The following CIMAP3 variants were observed in gnomAD, a reference collection of about 807,000 sequenced individuals.
The protein encoded by CIMAP3 is ciliary microtubule-associated protein 3.
chr1:111,329,364 G>C, the CIMAP3 span, among the ~76,000 whole-genome samples: 1 of 151,732 alleles, frequency 6.6e-6, no homozygotes, highest in African/African-American at 2.4e-5. Flanking sequence ...GGAGTTCTCT[G>C]TATTTCCTGA....
At chr1:111,346,357 T>C in the CIMAP3 span, 1 of 376,898 alleles carries the variant, frequency 2.7e-6, no homozygotes, top group Non-Finnish European at 5.0e-6. Flanking sequence ...CAACAGCGCA[T>C]TCCTCTTGGC....
At chr1:111,332,958 C>G in the CIMAP3 span, among the ~76,000 whole-genome samples, 1 of 152,188 alleles carries the variant, frequency 6.6e-6, no homozygotes, top group African/African-American at 2.4e-5. Context: ...GGAGCTGTTT[C>G]TCAAGTTCTA....
At chr1:111,339,638 C>A in the CIMAP3 span, among the ~76,000 whole-genome samples, 1 of 151,834 alleles carries the variant, frequency 6.6e-6, no homozygotes, top group Non-Finnish European at 1.5e-5. Context: ...CCTAGGAATC[C>A]ACCTTACAAG....
chr1:111,345,466 G>A, the CIMAP3 span, among the ~76,000 whole-genome samples: 1 of 152,302 alleles, frequency 6.6e-6, no homozygotes, highest in Admixed American at 6.5e-5. Flanking sequence ...TGTATGCCTG[G>A]GCAATGCAGT....
the CIMAP3 span, chr1:111,351,404 C>G: frequency 2.4e-6 from 3 of 1,265,226 alleles, no homozygotes; most frequent in Non-Finnish European, 3.3e-6. Context: ...TCTTCTTCTT[C>G]TACGTTACTG....
chr1:111,330,798 G>C, the CIMAP3 span, among the ~76,000 whole-genome samples: 1 of 152,226 alleles, frequency 6.6e-6, no homozygotes, highest in South Asian at 2.1e-4. Flanking sequence ...AAGAGATGCA[G>C]TTCAGCAATC....
the CIMAP3 span, among the ~76,000 whole-genome samples, chr1:111,338,425 G>A: frequency 6.6e-6 from 1 of 151,350 alleles, no homozygotes; most frequent in Non-Finnish European, 1.5e-5. Context: ...TTTTTGAAAG[G>A]ATCAACAAAA....
At chr1:111,329,179 T>C in the CIMAP3 span, among the ~76,000 whole-genome samples, 1 of 152,230 alleles carries the variant, frequency 6.6e-6, no homozygotes, top group Non-Finnish European at 1.5e-5. Flanking sequence ...AGGCCTCCAA[T>C]CTCTTCTGGC....
chr1:111,334,515 A>G, the CIMAP3 span, among the ~76,000 whole-genome samples: 1 of 152,228 alleles, frequency 6.6e-6, no homozygotes, highest in Non-Finnish European at 1.5e-5. Context: ...AGAAGCAGAC[A>G]GGGAACCATC....
the CIMAP3 span, chr1:111,324,734 G>A: frequency 1.0e-6 from 1 of 985,416 alleles, no homozygotes; most frequent in Non-Finnish European, 1.2e-6. Context: ...ATACATGAGA[G>A]ATCCAGGCTT....
At chr1:111,332,650 T>C in the CIMAP3 span, among the ~76,000 whole-genome samples, 1 of 152,168 alleles carries the variant, frequency 6.6e-6, no homozygotes, top group East Asian at 1.9e-4. Flanking sequence ...GGTCTGGAGG[T>C]ATGCACAGGG....
At chr1:111,325,974 C>A in the CIMAP3 span, among the ~76,000 whole-genome samples, 1 of 152,062 alleles carries the variant, frequency 6.6e-6, no homozygotes, top group Non-Finnish European at 1.5e-5. Context: ...AGACAAATTA[C>A]AAGCCATTGA....
chr1:111,346,896 C>A, the CIMAP3 span: 2 of 1,612,872 alleles, frequency 1.2e-6, no homozygotes, highest in East Asian at 4.5e-5. Flanking sequence ...TGGAGCCTCT[C>A]CTCTTTATTT....
chr1:111,326,948 T>C, the CIMAP3 span, among the ~76,000 whole-genome samples: 1 of 152,186 alleles, frequency 6.6e-6, no homozygotes, highest in African/African-American at 2.4e-5. Flanking sequence ...TTATTTGTTT[T>C]TTATTTTTGA....
chr1:111,325,228 G>A, the CIMAP3 span, among the ~76,000 whole-genome samples: 1 of 147,304 alleles, frequency 6.8e-6, no homozygotes, highest in South Asian at 2.1e-4. Flanking sequence ...CCTTGTGTTA[G>A]CTCTGAAATT....
the CIMAP3 span, among the ~76,000 whole-genome samples, chr1:111,333,269 G>A: frequency 1.5e-4 from 23 of 152,254 alleles, no homozygotes; most frequent in African/African-American, 5.1e-4. Flanking sequence ...ATCCTAGATC[G>A]GGCTCCACAC....
the CIMAP3 span, among the ~76,000 whole-genome samples, chr1:111,335,217 G>A: frequency 6.6e-6 from 1 of 151,594 alleles, no homozygotes; most frequent in Non-Finnish European, 1.5e-5. Flanking sequence ...TACAAGAGAG[G>A]AGTCAAGATG....
At chr1:111,343,477 G>C in the CIMAP3 span, among the ~76,000 whole-genome samples, 13 of 152,170 alleles carry the variant, frequency 8.5e-5, no homozygotes, top group Non-Finnish European at 1.5e-4. Context: ...GGAAACTACT[G>C]AATTCTTAAG....
At chr1:111,339,621 T>A in the CIMAP3 span, among the ~76,000 whole-genome samples, 1 of 151,628 alleles carries the variant, frequency 6.6e-6, no homozygotes, top group Non-Finnish European at 1.5e-5. Flanking sequence ...TCAAAGAGAA[T>A]AAAATACCTA....
Sources: gnomAD v4.1 joint callset for allele counts (sites outside exome capture counted in the v4.1 genomes callset) on GRCh38, gnomAD v4.1.1 for gene constraint, MANE v1.5 for transcripts, NCBI Gene and HGNC (gene_info 2026-07-23, HGNC 2026-07-21) for gene names.